USP13: variants seen among roughly 807,000 people sequenced by gnomAD.
USP13 encodes the protein ubiquitin carboxyl-terminal hydrolase 13.
Under a neutral mutation model 107.8 loss-of-function variants are expected in USP13, and 68 were observed. That is an observed-to-expected ratio of 0.63 (90% CI 0.52 to 0.77). The LOEUF (loss-of-function observed/expected upper bound fraction) is 0.77, where lower values mean the gene tolerates loss of function less well. USP13 is among the 30% of genes least tolerant of loss of function. The pLI is 0.00. For missense variants in USP13, 945 were observed against 1,093.3 expected (o/e 0.86, Z 1.91); for synonymous variants, 377 against 389.5 (o/e 0.97, Z 0.38).
rs1236095744 is a variant in USP13, at chr3:179,721,586, G to C, written c.1085G>C (p.Arg362Thr). ...QAIFSIPEFQ[R>T]AYVGNLPRIF... ...ATCTTCAGCATCCCAGAATTCCAGA[G>C]AGCGTAAGTGCCTTCCATGCAGACC... is the stretch of plus-strand genomic sequence containing the variant. Residue 362 changes from arginine to threonine, a missense_variant, in exon 8 of 21, where the codon AGA (arginine) becomes ACA (threonine). Arg to Thr is a moderately conservative substitution (Grantham distance 71). Transcript: ENST00000263966. The surrounding 1 kb of genome is among the most constrained non-coding windows in gnomAD (Gnocchi z 4.3). 1 of 1,613,064 alleles carries C rather than the reference G, an allele frequency of 6.2e-7. No homozygotes were observed. The highest frequency in any genetic ancestry group is 1.1e-5 in the South Asian group (1 of 90,988).
chr3:179,701,398 A>G (rs1712518777), intron 4 of USP13, among the ~76,000 whole-genome samples: 1 of 152,092 alleles, frequency 6.6e-6, no homozygotes, highest in African/African-American at 2.4e-5. Context: ...GGTCTCTTCC[A>G]GGTTGGGCTG....
At chr3:179,706,448 C>A (rs1211592636) in intron 4 of USP13, among the ~76,000 whole-genome samples, 2 of 152,154 alleles carry the variant, frequency 1.3e-5, no homozygotes, top group African/African-American at 4.8e-5. Flanking sequence ...CACATTTGCA[C>A]CAGATTAAGA....
At chr3:179,725,466 TG>T (rs1254063927) in intron 8 of USP13, among the ~76,000 whole-genome samples, 4 of 152,240 alleles carry the variant, frequency 2.6e-5, no homozygotes, top group Non-Finnish European at 5.9e-5. Flanking sequence ...TGAATGGGAC[TG>T]GCCCAAAGAA....
In USP13 at chr3:179,742,314, C is replaced by T; in HGVS notation, c.1498C>T (p.Gln500Ter). Residue 500 changes from glutamine (Q) to a stop codon, truncating the protein, a stop_gained, in exon 12 of 21, where the codon CAG becomes TAG. Coordinates refer to ENST00000263966, the MANE Select transcript of USP13 (RefSeq NM_003940.3). LOFTEE classifies it high-confidence loss of function. This position sits in a 1 kb window ranked among gnomAD's most constrained non-coding sequence, Gnocchi z 5.0. The stretch of plus-strand genomic sequence containing the variant: ...CACGGAGAGGGTGGATTACCTGATG[C>T]AGTTACCTGTGGCCATGGAGGCGGC... The part of the protein sequence containing the change: ...RYTERVDYLM[Q>*]LPVAMEAATN... 1 of 1,614,214 alleles carries T rather than the reference C, an allele frequency of 6.2e-7. No homozygotes were observed.
At position 179,737,203 on chromosome 3, in the gene USP13, AT is replaced by A. The variant is rs201223922; in HGVS notation, c.1255-3043del. 8.1e-4 allele frequency among the ~76,000 whole-genome samples: 124 copies of A among 152,330 alleles called. No individual in the cohort carries two copies. The East Asian group carries it at 0.023, about 28-fold the overall frequency. ...TTGGCACATGTATACCAAAAACAGC[AT>A]AAGGACACTAGAGAAAGGGAGTGGA... On this transcript the variant is annotated intron_variant, in intron 10 of 20. Transcript: ENST00000263966.
In USP13 at chr3:179,688,099, GTCCATCCATCCA is replaced by G. The variant is rs763601246; in HGVS notation, c.295-2120_295-2109del. Among the ~76,000 whole-genome samples the G allele has an allele frequency of 2.1e-5, 3 of 140,532 alleles. No homozygotes were observed. The Admixed American group carries it at 2.2e-4, about 10-fold the overall frequency. The allele number at this position is 140,532 out of a possible 152,430, so 92.2% of individuals were successfully genotyped here. On this transcript the variant is annotated intron_variant, in intron 2 of 20. Coordinates refer to ENST00000263966, the MANE Select transcript of USP13 (RefSeq NM_003940.3). ...AGGATATCCATCCATCCATCCATCCGTCCATCCATCCATCCATCCATCCATCCATCCATATAT... is the reference window on the plus strand; with the variant it reads ...AGGATATCCATCCATCCATCCATCCGTCCATCCATCCATCCATCCATATAT...
At chr3:179,729,411 A>G (rs931924060) in intron 8 of USP13, among the ~76,000 whole-genome samples, 2 of 152,202 alleles carry the variant, frequency 1.3e-5, no homozygotes, top group Non-Finnish European at 2.9e-5. Context: ...CAGAGGCTTC[A>G]GAGGAGCCTG....
chr3:179,728,641 T>C (rs1325334409), intron 8 of USP13, among the ~76,000 whole-genome samples: 1 of 151,234 alleles, frequency 6.6e-6, no homozygotes, highest in Non-Finnish European at 1.5e-5. Context: ...TGCTGAGAGG[T>C]GGATGTTGTA....
intron 4 of USP13, among the ~76,000 whole-genome samples, chr3:179,705,984 A>G (rs1712699339): frequency 6.6e-6 from 1 of 152,124 alleles, no homozygotes; most frequent in South Asian, 2.1e-4. Context: ...CGGCCTCCCA[A>G]AGTGCTAGGA....
intron 12 of USP13, among the ~76,000 whole-genome samples, chr3:179,743,526 T>G (rs188388303): frequency 6.6e-6 from 1 of 152,190 alleles, no homozygotes; most frequent in East Asian, 1.9e-4. Flanking sequence ...ATGAAACGAT[T>G]TTCATTTTCT....
intron 8 of USP13, among the ~76,000 whole-genome samples, chr3:179,725,638 A>C (rs1369453259): frequency 6.6e-6 from 1 of 152,204 alleles, no homozygotes; most frequent in Non-Finnish European, 1.5e-5. Flanking sequence ...TCATTGCAAA[A>C]ATGCTTTTTC....
chr3:179,703,915 C>A (rs1712622827), intron 4 of USP13, among the ~76,000 whole-genome samples: 2 of 152,104 alleles, frequency 1.3e-5, no homozygotes, highest in Admixed American at 1.3e-4. Context: ...GTTTAGCAAC[C>A]ATCTTGCTGA....
rs533245992 is a variant in USP13, at chr3:179,678,590, C to T, written c.169-3288C>T. Among the ~76,000 whole-genome samples, 47 of 152,126 alleles carry T rather than the reference C, an allele frequency of 3.1e-4. No individual in the cohort carries two copies. Among genetic ancestry groups the T allele is most frequent in the Non-Finnish European group, 5.1e-4 (35 of 67,990 alleles). On this transcript the variant is annotated intron_variant, in intron 1 of 20. Coordinates refer to ENST00000263966, the MANE Select transcript of USP13 (RefSeq NM_003940.3). This position sits in a 1 kb window ranked among gnomAD's most constrained non-coding sequence, Gnocchi z 4.2. ...TAAAGTGACCCTCCCACCTCAGCCT[C>T]CTAAGTAGCTGGGACAAAAGGCTGG...
intron 1 of USP13, among the ~76,000 whole-genome samples, chr3:179,654,314 T>G (rs1209326350): frequency 6.6e-6 from 1 of 151,986 alleles, no homozygotes; most frequent in Non-Finnish European, 1.5e-5. Flanking sequence ...TCTTAAGCCT[T>G]CCCCACCTTG....
chr3:179,685,138 T>C (rs1223075867), intron 2 of USP13, among the ~76,000 whole-genome samples: 2 of 151,704 alleles, frequency 1.3e-5, no homozygotes, highest in Non-Finnish European at 2.9e-5. Context: ...TTTGTAATTT[T>C]TTATAAAGGA....
intron 14 of USP13, among the ~76,000 whole-genome samples, chr3:179,754,415 T>C (rs1212597105): frequency 6.6e-6 from 1 of 152,196 alleles, no homozygotes; most frequent in East Asian, 1.9e-4. Context: ...ACATTGGAAT[T>C]TGTTGTCCAC....
chr3:179,701,908 G>A (rs1012122524), intron 4 of USP13, among the ~76,000 whole-genome samples: 2 of 152,190 alleles, frequency 1.3e-5, no homozygotes, highest in East Asian at 3.8e-4. Context: ...GGAAGTGGGC[G>A]CAGAGTTCCT....
intron 2 of USP13, among the ~76,000 whole-genome samples, chr3:179,688,003 G>C (rs772681329): frequency 2.0e-5 from 3 of 151,950 alleles, no homozygotes; most frequent in Non-Finnish European, 2.9e-5. Context: ...TTTTGTGTAT[G>C]CTGTTTTCTC....
chr3:179,662,068 C>T (rs1576907413), intron 1 of USP13, among the ~76,000 whole-genome samples: 1 of 152,146 alleles, frequency 6.6e-6, no homozygotes, highest in South Asian at 2.1e-4. Flanking sequence ...ATTTTTTAAG[C>T]TTTTAATTTC....
Sources: gnomAD v4.1 joint callset for allele counts (sites outside exome capture counted in the v4.1 genomes callset) on GRCh38, gnomAD v4.1.1 for gene constraint, Gnocchi (gnomAD v3.1) non-coding constraint, MANE v1.5 for transcripts, NCBI Gene and HGNC (gene_info 2026-07-23, HGNC 2026-07-21) for gene names.